Variants in SH3RF3 observed in about 807,000 individuals in gnomAD.
SH3RF3 encodes E3 ubiquitin-protein ligase SH3RF3.
A neutral mutation model predicts 66.3 loss-of-function variants in SH3RF3; 29 were observed. The observed-to-expected ratio is 0.44, with a 90% CI of 0.33 to 0.60. The LOEUF (loss-of-function observed/expected upper bound fraction) is 0.60. SH3RF3 is among the 20% of genes least tolerant of loss of function. The probability of loss-of-function intolerance (pLI) is 0.04; values close to 1 mark genes in which losing one functional copy is unlikely to be tolerated. For synonymous variants in SH3RF3, 583 were observed against 532.0 expected, an observed-to-expected ratio of 1.10 and a Z score of -1.32; for missense variants, 1,194 against 1,190.9, an observed-to-expected ratio of 1.00 and a Z score of -0.04.
rs1347659478 is a variant in SH3RF3 at position 109,398,832 on chromosome 2, C to T, written c.1188C>T (p.Ser396=). 1.9e-6 allele frequency: 3 copies of T among 1,613,972 alleles called. No homozygotes were observed. The highest frequency in any genetic ancestry group is 2.5e-6 in the Non-Finnish European group (3 of 1,179,880). ...CGCACAGATCCTCCCAGGCTGCCAG[C>T]CACAGGCATTCCATGGAAATTAGTG... is the stretch of plus-strand genomic sequence containing the variant. The part of the protein sequence containing the change: ...SVTHRSSQAA[S]HRHSMEISAP... The change falls in exon 4 of 10, where the codon AGC becomes AGT. Residue 396 remains serine, a synonymous_variant. Transcript: ENST00000309415.
intron 1 of SH3RF3, among the ~76,000 whole-genome samples, chr2:109,174,387 C>T (rs1677870123): frequency 6.6e-6 from 1 of 152,182 alleles, no homozygotes; most frequent in African/African-American, 2.4e-5. Context: ...TTTTTCTATA[C>T]CATACCTCAT....
At chr2:109,268,966 C>T (rs1437718114) in intron 1 of SH3RF3, among the ~76,000 whole-genome samples, 1 of 152,174 alleles carries the variant, frequency 6.6e-6, no homozygotes, top group Non-Finnish European at 1.5e-5. Flanking sequence ...TTCTGGGGGA[C>T]ACAAATGTCT....
chr2:109,426,832 G>A (rs1677038275), intron 5 of SH3RF3, among the ~76,000 whole-genome samples: 1 of 152,084 alleles, frequency 6.6e-6, no homozygotes, highest in Non-Finnish European at 1.5e-5. Flanking sequence ...AGTTGCCACA[G>A]CCACCCCCAC....
At chr2:109,475,904 G>C (rs764176371) in intron 8 of SH3RF3, among the ~76,000 whole-genome samples, 1 of 152,076 alleles carries the variant, frequency 6.6e-6, no homozygotes, top group African/African-American at 2.4e-5. Flanking sequence ...ACATCTTCAC[G>C]AGCTTCACCT....
At chr2:109,349,721 A>G (rs1682798665) in intron 2 of SH3RF3, among the ~76,000 whole-genome samples, 1 of 152,210 alleles carries the variant, frequency 6.6e-6, no homozygotes, top group South Asian at 2.1e-4. Flanking sequence ...GGGAGAACCC[A>G]CTGTGAACGG....
At chr2:109,296,102 T>G (rs1681299615) in intron 1 of SH3RF3, among the ~76,000 whole-genome samples, 1 of 152,130 alleles carries the variant, frequency 6.6e-6, no homozygotes, top group Admixed American at 6.5e-5. Flanking sequence ...AGAAGGCTGC[T>G]GGGTCCATTC....
intron 1 of SH3RF3, among the ~76,000 whole-genome samples, chr2:109,197,898 C>G (rs1678546060): frequency 6.6e-6 from 1 of 152,228 alleles, no homozygotes. Flanking sequence ...CCTTTTGCAT[C>G]AAATCCCACA....
At chr2:109,189,791 CAGTG>C (rs1480417407) in intron 1 of SH3RF3, among the ~76,000 whole-genome samples, 1 of 152,224 alleles carries the variant, frequency 6.6e-6, no homozygotes, top group Non-Finnish European at 1.5e-5. Flanking sequence ...AGTTCCCCAA[CAGTG>C]AGACCCACTT....
chr2:109,144,120 C>T (rs1044816619), intron 1 of SH3RF3, among the ~76,000 whole-genome samples: 30 of 152,208 alleles, frequency 2.0e-4, no homozygotes, highest in Admixed American at 1.8e-3. Context: ...TGGAGTTCTA[C>T]TGTGCAGCAT....
chr2:109,407,404 G>A (rs1314844206), intron 4 of SH3RF3, among the ~76,000 whole-genome samples: 1 of 152,206 alleles, frequency 6.6e-6, no homozygotes, highest in Non-Finnish European at 1.5e-5. Context: ...ACTTTAAAAT[G>A]CATCACCACC....
intron 4 of SH3RF3, among the ~76,000 whole-genome samples, chr2:109,417,371 C>T (rs1187479309): frequency 6.6e-6 from 1 of 152,160 alleles, no homozygotes; most frequent in Admixed American, 6.5e-5. Flanking sequence ...GTTGGGGACA[C>T]CTCCTCTTCC....
At chr2:109,200,625 T>C (rs1678647341) in intron 1 of SH3RF3, among the ~76,000 whole-genome samples, 1 of 152,156 alleles carries the variant, frequency 6.6e-6, no homozygotes, top group South Asian at 2.1e-4. Context: ...AAAGTGAGCT[T>C]GTCCCAGCAG....
intron 1 of SH3RF3, among the ~76,000 whole-genome samples, chr2:109,295,625 T>C (rs925154128): frequency 2.6e-5 from 4 of 152,194 alleles, no homozygotes; most frequent in Non-Finnish European, 5.9e-5. Flanking sequence ...TGCCCAGGCA[T>C]GCTGCAGACT....
At chr2:109,216,483 A>G (rs1428575520) in intron 1 of SH3RF3, among the ~76,000 whole-genome samples, 1 of 152,170 alleles carries the variant, frequency 6.6e-6, no homozygotes, top group Non-Finnish European at 1.5e-5. Flanking sequence ...ATCCATGGAG[A>G]AGTGGCAGTG....
At chr2:109,203,914 G>A (rs1276603178) in intron 1 of SH3RF3, among the ~76,000 whole-genome samples, 2 of 152,234 alleles carry the variant, frequency 1.3e-5, no homozygotes, top group African/African-American at 2.4e-5. Context: ...CAGGGCTGAT[G>A]TGTGTGCTGT....
chr2:109,155,710 A>T (rs1677331919), intron 1 of SH3RF3, among the ~76,000 whole-genome samples: 1 of 152,196 alleles, frequency 6.6e-6, no homozygotes, highest in South Asian at 2.1e-4. Context: ...GAACTTTGAT[A>T]GGGTTTCTAG....
chr2:109,206,490 C>CAAAAAAAAAAAA (rs36060217), intron 1 of SH3RF3, among the ~76,000 whole-genome samples: 9 of 40,760 alleles, frequency 2.2e-4, no homozygotes, highest in African/African-American at 7.9e-4. Flanking sequence ...GACTCCGTCT[C>CAAAAAAAAAAAA]AAAAAAAAAA....
intron 2 of SH3RF3, among the ~76,000 whole-genome samples, chr2:109,351,339 C>T (rs1342233719): frequency 6.6e-6 from 1 of 152,198 alleles, no homozygotes; most frequent in Non-Finnish European, 1.5e-5. Context: ...GAGCACCTCG[C>T]CTTCCCAGTC....
At chr2:109,314,591 A>G (rs1482273637) in intron 1 of SH3RF3, among the ~76,000 whole-genome samples, 1 of 152,236 alleles carries the variant, frequency 6.6e-6, no homozygotes, top group Non-Finnish European at 1.5e-5. Context: ...TAGTGTCTCC[A>G]TCTTAATTTG....
Sources: gnomAD v4.1 joint callset for allele counts (sites outside exome capture counted in the v4.1 genomes callset) on GRCh38, gnomAD v4.1.1 for gene constraint, MANE v1.5 for transcripts, NCBI Gene and HGNC (gene_info 2026-07-23, HGNC 2026-07-21) for gene names.